The following POLR3B variants were observed in gnomAD, a reference collection of about 807,000 sequenced individuals.
The protein encoded by POLR3B is DNA-directed RNA polymerase III subunit RPC2.
POLR3B carries 96 observed loss-of-function variants against 147.4 expected under a neutral mutation model. That is an observed-to-expected ratio of 0.65 (90% CI 0.55 to 0.77). The LOEUF is 0.77. POLR3B is among the 30% of genes least tolerant of loss of function. POLR3B has a pLI of 0.00. For missense variants in POLR3B, 1,036 were observed against 1,413.5 expected (o/e 0.73, Z 4.28); for synonymous variants, 461 against 485.9 (o/e 0.95, Z 0.67).
At chr12:106,396,744 AG>A (rs1480412960) in intron 10 of POLR3B, among the ~76,000 whole-genome samples, 7 of 152,140 alleles carry the variant, frequency 4.6e-5, no homozygotes, top group Non-Finnish European at 1.0e-4. Flanking sequence ...TCCAAGTTAA[AG>A]AATCAAAGAT....
chr12:106,454,829 T>C (rs1482592525), intron 20 of POLR3B, 118 bp downstream of exon 20: 3 of 699,578 alleles, frequency 4.3e-6, no homozygotes, highest in East Asian at 2.7e-5. Flanking sequence ...TTTTATGATA[T>C]AGAAACAGGA....
chr12:106,363,811 C>T, intron 1 of POLR3B, 59 bp from the exon 2 acceptor site: 1 of 1,271,314 alleles, frequency 7.9e-7, no homozygotes, highest in Non-Finnish European at 1.1e-6. Flanking sequence ...ATTAAAATAA[C>T]TTATGAAAGT....
intron 23 of POLR3B, among the ~76,000 whole-genome samples, chr12:106,465,545 G>A (rs1007669636): frequency 4.6e-5 from 7 of 152,016 alleles, no homozygotes; most frequent in South Asian, 2.1e-4. Context: ...TACACGTGCC[G>A]TGGTGGTTTG....
chr12:106,489,998 C>G (rs1007874670), intron 23 of POLR3B, among the ~76,000 whole-genome samples: 1 of 152,128 alleles, frequency 6.6e-6, no homozygotes, highest in Non-Finnish European at 1.5e-5. Flanking sequence ...ACTCCAGCAG[C>G]TCTTACTTTA....
intron 10 of POLR3B, among the ~76,000 whole-genome samples, chr12:106,394,176 A>G (rs1593015708): frequency 4.6e-5 from 7 of 152,220 alleles, no homozygotes; most frequent in African/African-American, 1.7e-4. Flanking sequence ...AGATCGAAAT[A>G]GGTCAGTATA....
At chr12:106,379,886 T>A in intron 8 of POLR3B, 145 bp from the exon 9 acceptor site, 2 of 664,018 alleles carry the variant, frequency 3.0e-6, no homozygotes, top group Non-Finnish European at 5.5e-6. Flanking sequence ...AAAGGAATTG[T>A]CTTTTTAAAG....
In POLR3B at chr12:106,358,310, C is replaced by CTCAG. The variant is rs1167516341; in HGVS notation, c.72+360_72+363dup. 10 of 1,162,014 alleles carry CTCAG rather than the reference C, an allele frequency of 8.6e-6. No homozygotes were observed. The East Asian group carries it at 3.6e-4, about 41-fold the overall frequency. The allele number at this position is 1,162,014 out of a possible 1,614,324, so 72.0% of individuals were successfully genotyped here. On this transcript the variant is annotated intron_variant, in intron 1 of 27. Coordinates refer to ENST00000228347, the MANE Select transcript of POLR3B (RefSeq NM_018082.6). ...TTACAGAGGACACGGGGCCAGGGAG[C>CTCAG]TCAGGCCATTTGCATGAGGCACCAC...
intron 23 of POLR3B, among the ~76,000 whole-genome samples, chr12:106,475,489 G>A (rs1401333521): frequency 9.5e-6 from 1 of 105,146 alleles, no homozygotes; most frequent in Non-Finnish European, 1.9e-5. Flanking sequence ...CATTATTAAT[G>A]TGTGGGAGTC....
At chr12:106,446,842 C>T (rs10778472) in intron 19 of POLR3B, among the ~76,000 whole-genome samples, 38,318 of 151,950 alleles carry the variant, frequency 0.25, 5,473 homozygotes, top group African/African-American at 0.39. Flanking sequence ...GCATATAATG[C>T]AGCAGCATTT....
chr12:106,493,976 T>C (rs1287599154), intron 23 of POLR3B, among the ~76,000 whole-genome samples: 2 of 152,204 alleles, frequency 1.3e-5, no homozygotes, highest in African/African-American at 4.8e-5. Context: ...GCCAAAGCAG[T>C]TCCTATAATG....
intron 10 of POLR3B, among the ~76,000 whole-genome samples, chr12:106,402,070 C>G (rs1366051405): frequency 6.6e-6 from 1 of 151,734 alleles, no homozygotes; most frequent in African/African-American, 2.4e-5. Context: ...ACCCCATCGT[C>G]TCAGCCCAAA....
intron 9 of POLR3B, among the ~76,000 whole-genome samples, chr12:106,384,398 G>A (rs191367170): frequency 1.3e-5 from 2 of 152,318 alleles, no homozygotes; most frequent in East Asian, 3.9e-4. Context: ...CCTTATTTGT[G>A]AATTCACTTA....
chr12:106,462,035 C>T (rs1436586701), intron 22 of POLR3B, among the ~76,000 whole-genome samples: 1 of 152,232 alleles, frequency 6.6e-6, no homozygotes, highest in African/African-American at 2.4e-5. Context: ...CTGCCAGCAG[C>T]CAGCCAGTCA....
intron 23 of POLR3B, among the ~76,000 whole-genome samples, chr12:106,478,782 A>G (rs769869007): frequency 1.3e-5 from 2 of 152,184 alleles, no homozygotes; most frequent in African/African-American, 2.4e-5. Context: ...AAACAGAACA[A>G]GAAAGGGTTC....
At chr12:106,467,382 A>G (rs904851703) in intron 23 of POLR3B, among the ~76,000 whole-genome samples, 3 of 152,208 alleles carry the variant, frequency 2.0e-5, no homozygotes, top group Non-Finnish European at 4.4e-5. Context: ...TAAATACACA[A>G]TCATGTCATC....
At chr12:106,366,801 T>C (rs2036542307) in intron 4 of POLR3B, 79 bp downstream of exon 4, 2 of 1,158,878 alleles carry the variant, frequency 1.7e-6, no homozygotes, top group African/African-American at 1.5e-5. Context: ...CTATCAAAAC[T>C]CTTTTAAAAT....
At chr12:106,452,279 C>T (rs1229798450) in intron 19 of POLR3B, among the ~76,000 whole-genome samples, 2 of 152,220 alleles carry the variant, frequency 1.3e-5, no homozygotes, top group Non-Finnish European at 2.9e-5. Flanking sequence ...TACATGTATA[C>T]TCTCACAAGT....
intron 3 of POLR3B, 36 bp from the exon 4 acceptor site, chr12:106,366,622 C>A (rs2036539303): frequency 1.4e-5 from 23 of 1,602,202 alleles, no homozygotes; most frequent in Non-Finnish European, 2.0e-5. Context: ...TAATTGGAAG[C>A]CAGAGTCTTT....
chr12:106,414,472 G>C (rs1273817604), intron 12 of POLR3B, among the ~76,000 whole-genome samples: 1 of 151,984 alleles, frequency 6.6e-6, no homozygotes, highest in Non-Finnish European at 1.5e-5. Context: ...GAACTTCTAA[G>C]TCTTCTTACA....
Sources: allele counts gnomAD v4.1 joint callset (sites outside exome capture counted in the v4.1 genomes callset), GRCh38; gene constraint gnomAD v4.1.1; transcripts MANE v1.5; gene names NCBI Gene and HGNC (gene_info 2026-07-23, HGNC 2026-07-21).